Variants in LRRTM3 observed in about 807,000 individuals in gnomAD.
The protein encoded by LRRTM3 is leucine rich repeat transmembrane neuronal 3, also known as leucine-rich repeat transmembrane neuronal protein 3.
A neutral mutation model predicts 44.7 loss-of-function variants in LRRTM3; 24 were observed. The observed-to-expected ratio is 0.54, with a 90% CI of 0.39 to 0.76. The LOEUF (loss-of-function observed/expected upper bound fraction) is 0.76. Ranked by LOEUF, LRRTM3 falls within the 30% of genes least tolerant of loss-of-function variation. LRRTM3 has a pLI of 0.00. For synonymous variants in LRRTM3, 277 were observed against 278.7 expected (o/e 0.99, Z 0.06); for missense variants, 587 against 702.2 (o/e 0.84, Z 1.85).
At chr10:67,057,624 A>G (rs1855518058) in intron 2 of LRRTM3, among the ~76,000 whole-genome samples, 1 of 152,118 alleles carries the variant, frequency 6.6e-6, no homozygotes, top group East Asian at 1.9e-4. Flanking sequence ...GAGAATACTG[A>G]CCCAGCAACA....
At chr10:66,926,888 G>T in intron 1 of LRRTM3, 33 bp from the exon 2 acceptor site, 1 of 1,520,562 alleles carries the variant, frequency 6.6e-7, no homozygotes. Context: ...CTTTTTTGGG[G>T]GGATAACTTT....
At chr10:67,077,596 T>C (rs1856805263) in intron 2 of LRRTM3, among the ~76,000 whole-genome samples, 1 of 152,174 alleles carries the variant, frequency 6.6e-6, no homozygotes, top group South Asian at 2.1e-4. Context: ...TGTGAAACTT[T>C]CTTAGGAAAA....
intron 2 of LRRTM3, among the ~76,000 whole-genome samples, chr10:67,000,976 A>G (rs1232735517): frequency 1.3e-5 from 2 of 152,126 alleles, no homozygotes; most frequent in African/African-American, 2.4e-5. Flanking sequence ...GTAGAGAGAG[A>G]AAATAGGAAG....
intron 2 of LRRTM3, among the ~76,000 whole-genome samples, chr10:67,094,117 C>T (rs1263812004): frequency 6.6e-6 from 1 of 151,850 alleles, no homozygotes; most frequent in Non-Finnish European, 1.5e-5. Context: ...ATATTACAAA[C>T]AATATATGTA....
intron 2 of LRRTM3, among the ~76,000 whole-genome samples, chr10:67,071,846 G>A (rs1856486104): frequency 6.6e-6 from 1 of 151,996 alleles, no homozygotes; most frequent in Non-Finnish European, 1.5e-5. Context: ...CACTAAACTT[G>A]TATTATACTG....
At chr10:67,011,681 T>C (rs2133040142) in intron 2 of LRRTM3, among the ~76,000 whole-genome samples, 1 of 152,310 alleles carries the variant, frequency 6.6e-6, no homozygotes, top group South Asian at 2.1e-4. Context: ...ATAGCAAATA[T>C]ATAGAGTGCT....
In LRRTM3 at chr10:66,934,805, C is replaced by T. The variant is rs114461690; in HGVS notation, c.1536+6353C>T. ...ATAGTAAGGCAAATACTACATTTAG[C>T]AAAGGCAATTTTTGTTGACATTTCA... On this transcript the variant is annotated intron_variant, in intron 2 of 2. Coordinates refer to ENST00000361320, the MANE Select transcript of LRRTM3 (RefSeq NM_178011.5). 5.6e-3 allele frequency among the ~76,000 whole-genome samples: 849 copies of T among 152,216 alleles called. 9 individuals carry two copies. Among genetic ancestry groups the T allele is most frequent in the African/African-American group, 0.019 (804 of 41,554 alleles).
intron 2 of LRRTM3, among the ~76,000 whole-genome samples, chr10:67,090,563 C>T (rs1429728481): frequency 2.6e-5 from 4 of 152,028 alleles, no homozygotes; most frequent in South Asian, 4.1e-4. Context: ...ACTCACTAGA[C>T]GAGTGATTTT....
At chr10:66,933,103 A>G (rs2132648429) in intron 2 of LRRTM3, among the ~76,000 whole-genome samples, 1 of 152,346 alleles carries the variant, frequency 6.6e-6, no homozygotes, top group Admixed American at 6.5e-5. Flanking sequence ...TTCTTTTCAA[A>G]AAGCCCTTAG....
intron 2 of LRRTM3, among the ~76,000 whole-genome samples, chr10:67,067,912 G>A (rs1239693206): frequency 2.0e-5 from 3 of 152,198 alleles, no homozygotes; most frequent in Admixed American, 6.5e-5. Flanking sequence ...ACAAAGGAAG[G>A]AGGTGTCAAT....
intron 2 of LRRTM3, among the ~76,000 whole-genome samples, chr10:67,007,094 C>G (rs116846060): frequency 0.016 from 2,377 of 152,294 alleles, 25 homozygotes; most frequent in Non-Finnish European, 0.023. Flanking sequence ...CCACACCCAG[C>G]TTACAGTCTT....
At chr10:67,056,862 T>A (rs1855461899) in intron 2 of LRRTM3, among the ~76,000 whole-genome samples, 2 of 152,290 alleles carry the variant, frequency 1.3e-5, no homozygotes, top group African/African-American at 4.8e-5. Flanking sequence ...AAGGTGCATA[T>A]GAGGTTACAT....
At chr10:67,024,776 G>C (rs4745924) in intron 2 of LRRTM3, among the ~76,000 whole-genome samples, 56,205 of 151,998 alleles carry the variant, frequency 0.37, 11,053 homozygotes, top group Middle Eastern at 0.61. Context: ...CATTGATGTT[G>C]CTTTAAATAT....
intron 2 of LRRTM3, among the ~76,000 whole-genome samples, chr10:66,967,183 G>A (rs1849470424): frequency 6.6e-6 from 1 of 152,008 alleles, no homozygotes; most frequent in Admixed American, 6.5e-5. Context: ...TTTCTTATGT[G>A]TACAAGCACA....
At chr10:66,982,506 C>T (rs1850498913) in intron 2 of LRRTM3, among the ~76,000 whole-genome samples, 1 of 152,102 alleles carries the variant, frequency 6.6e-6, no homozygotes, top group Admixed American at 6.5e-5. Context: ...GCAGTTACTT[C>T]AATTTTTGAA....
intron 2 of LRRTM3, among the ~76,000 whole-genome samples, chr10:66,933,599 T>C (rs1011219973): frequency 6.6e-6 from 1 of 152,182 alleles, no homozygotes; most frequent in African/African-American, 2.4e-5. Context: ...ATCAGTCACA[T>C]GATATCTGCT....
intron 2 of LRRTM3, among the ~76,000 whole-genome samples, chr10:66,953,669 CATA>C (rs1474487946): frequency 7.2e-5 from 11 of 152,104 alleles, no homozygotes; most frequent in African/African-American, 1.2e-4. Flanking sequence ...CTATTTTCTA[CATA>C]ATAATTTTAT....
chr10:67,020,954 A>T (rs1394584826), intron 2 of LRRTM3, among the ~76,000 whole-genome samples: 1 of 152,208 alleles, frequency 6.6e-6, no homozygotes, highest in African/African-American at 2.4e-5. Flanking sequence ...GTGTGAGAAA[A>T]GGCTAGAAGG....
chr10:67,063,590 G>A (rs1855891269), intron 2 of LRRTM3, among the ~76,000 whole-genome samples: 1 of 152,166 alleles, frequency 6.6e-6, no homozygotes, highest in South Asian at 2.1e-4. Context: ...TGGGACCAGT[G>A]AATATCTGCC....
Sources: gnomAD v4.1 joint callset for allele counts (sites outside exome capture counted in the v4.1 genomes callset) on GRCh38, gnomAD v4.1.1 for gene constraint, MANE v1.5 for transcripts, NCBI Gene and HGNC (gene_info 2026-07-23, HGNC 2026-07-21) for gene names.